Variants in NHSL1 observed in about 807,000 individuals in gnomAD.
NHSL1 encodes the protein NHS like 1.
In NHSL1, 48 loss-of-function variants were observed where a neutral mutation model predicts 95.0. That is an observed-to-expected ratio of 0.51 (90% CI 0.40 to 0.64). The LOEUF (loss-of-function observed/expected upper bound fraction) is 0.64. Among genes scored for constraint, NHSL1 ranks in the 30% least tolerant of loss-of-function variants. The pLI is 0.00. For synonymous variants in NHSL1, 783 were observed against 833.9 expected, an observed-to-expected ratio of 0.94 and a Z score of 1.05; for missense variants, 1,971 against 2,077.7, an observed-to-expected ratio of 0.95 and a Z score of 1.00.
rs375468270 is a variant in NHSL1 at position 138,643,892 on chromosome 6, G to C, written c.96+48584C>G. Among the ~76,000 whole-genome samples, 15 of 152,108 alleles carry C rather than the reference G, an allele frequency of 9.9e-5. No homozygotes were observed. The East Asian group carries it at 2.7e-3, about 28-fold the overall frequency. On this transcript the variant is annotated intron_variant, in intron 1 of 3. Coordinates refer to the NHSL1 transcript ENST00000491526. ...GGGTGCCTGTAATCCTAGCTACCCAGGAGGCTGAGGTAGGAGAATTGCTTG... is the reference window on the plus strand; with the variant it reads ...GGGTGCCTGTAATCCTAGCTACCCACGAGGCTGAGGTAGGAGAATTGCTTG...
intron 3 of NHSL1, among the ~76,000 whole-genome samples, chr6:138,471,507 C>T (rs1203270558): frequency 5.9e-5 from 9 of 151,950 alleles, no homozygotes; most frequent in African/African-American, 1.7e-4. Context: ...AGTAAGATAC[C>T]GTCTTTGTAT....
rs912103445 is a variant in NHSL1, at chr6:138,441,975, A to C, written c.664+8T>G. 9 of 1,547,402 alleles carry C rather than the reference A, an allele frequency of 5.8e-6. No individual in the cohort carries two copies. The Admixed American group carries it at 8.0e-5, about 14-fold the overall frequency. On this transcript the variant is annotated splice_region_variant and intron_variant, in intron 5 of 7. Coordinates refer to ENST00000343505, the MANE Select transcript of NHSL1 (RefSeq NM_001144060.2). ...AGGGCAACAGAATACAGTTCTGATGAGCCATACCTAGCTCCTTCTGTATGT... is the reference window on the plus strand; with the variant it reads ...AGGGCAACAGAATACAGTTCTGATGCGCCATACCTAGCTCCTTCTGTATGT...
intron 5 of NHSL1, among the ~76,000 whole-genome samples, chr6:138,440,816 C>T (rs1776480051): frequency 6.6e-6 from 1 of 152,208 alleles, no homozygotes; most frequent in African/African-American, 2.4e-5. Context: ...TTGCTGGTTA[C>T]ACTCATTTTG....
intron 1 of NHSL1, among the ~76,000 whole-genome samples, chr6:138,601,351 C>T (rs1784367306): frequency 6.6e-6 from 1 of 152,216 alleles, no homozygotes; most frequent in African/African-American, 2.4e-5. Context: ...ACACTGCTGG[C>T]AATCTGTTAG....
intron 3 of NHSL1, among the ~76,000 whole-genome samples, chr6:138,462,058 G>T (rs1247569719): frequency 6.6e-6 from 1 of 152,126 alleles, no homozygotes; most frequent in Non-Finnish European, 1.5e-5. Flanking sequence ...AAGTTTGATG[G>T]GTTTGGTGAT....
chr6:138,591,854 G>A (rs1784233983), intron 1 of NHSL1, among the ~76,000 whole-genome samples: 1 of 152,124 alleles, frequency 6.6e-6, no homozygotes, highest in African/African-American at 2.4e-5. Flanking sequence ...CCATGCTGTG[G>A]ACACACACTC....
intron 1 of NHSL1, among the ~76,000 whole-genome samples, chr6:138,559,028 G>A (rs187475517): frequency 2.5e-4 from 38 of 151,578 alleles, no homozygotes; most frequent in African/African-American, 8.7e-4. Flanking sequence ...CAGCCTGGAC[G>A]ACAGAGGGAG....
At chr6:138,651,440 T>C (rs1220729968) in intron 1 of NHSL1, among the ~76,000 whole-genome samples, 1 of 152,228 alleles carries the variant, frequency 6.6e-6, no homozygotes, top group Non-Finnish European at 1.5e-5. Context: ...ATTTACATCA[T>C]TTTAAGTTAT....
Position 138,424,294 on chromosome 6 carries a change from C to A in NHSL1, c.4608G>T (p.Val1536=). 3 of 1,511,848 alleles carry A rather than the reference C, an allele frequency of 2.0e-6. No homozygotes were observed. The highest frequency in any genetic ancestry group is 2.7e-6 in the Non-Finnish European group (3 of 1,126,556). The allele number at this position is 1,511,848 out of a possible 1,614,324, so 93.7% of individuals were successfully genotyped here. Residue 1536 remains valine, a synonymous_variant, in exon 8 of 8, where the codon GTG becomes GTT. Transcript: ENST00000343505. The surrounding 1 kb of genome is among the most constrained non-coding windows in gnomAD (Gnocchi z 5.9). ...SEGEGEAVEP[V]DSIARGALGA... ...CCAGAGCCCCGCGGGCTATGCTGTC[C>A]ACAGGCTCCACGGCTTCCCCTTCTC...
intron 1 of NHSL1, among the ~76,000 whole-genome samples, chr6:138,661,803 A>G (rs1397797078): frequency 6.6e-6 from 1 of 152,218 alleles, no homozygotes; most frequent in East Asian, 1.9e-4. Flanking sequence ...CAGGTGGCTC[A>G]TGCCTATTAT....
intron 2 of NHSL1, among the ~76,000 whole-genome samples, chr6:138,489,632 T>C (rs1191347205): frequency 6.6e-6 from 1 of 151,152 alleles, no homozygotes; most frequent in East Asian, 2.0e-4. Context: ...CACGGTGTTG[T>C]GTGCCTGTAG....
chr6:138,528,810 G>A (rs2128314122), intron 1 of NHSL1, among the ~76,000 whole-genome samples: 1 of 152,304 alleles, frequency 6.6e-6, no homozygotes, highest in African/African-American at 2.4e-5. Context: ...AGAGAATACA[G>A]TATTTCCGGA....
intron 1 of NHSL1, among the ~76,000 whole-genome samples, chr6:138,647,344 GTT>G (rs1785032839): frequency 6.6e-6 from 1 of 152,156 alleles, no homozygotes; most frequent in African/African-American, 2.4e-5. Flanking sequence ...TTATCTTGAT[GTT>G]TCTTGATGAA....
intron 3 of NHSL1, among the ~76,000 whole-genome samples, chr6:138,458,502 G>C (rs1256267644): frequency 1.3e-5 from 2 of 152,036 alleles, no homozygotes; most frequent in African/African-American, 4.8e-5. Context: ...AGACCAGCCT[G>C]GCCAAAATGG....
At chr6:138,473,843 TAAA>T (rs35022781) in intron 2 of NHSL1, among the ~76,000 whole-genome samples, 1 of 145,864 alleles carries the variant, frequency 6.9e-6, no homozygotes, top group Non-Finnish European at 1.5e-5. Context: ...TTATTCCACA[TAAA>T]AAAAAAAAGT....
At chr6:138,443,108 A>T (rs1776637245) in intron 4 of NHSL1, among the ~76,000 whole-genome samples, 1 of 152,122 alleles carries the variant, frequency 6.6e-6, no homozygotes. Context: ...CTATCATTTT[A>T]TGCATAAAAG....
At chr6:138,544,362 A>G (rs1444274232) in intron 1 of NHSL1, among the ~76,000 whole-genome samples, 1 of 151,980 alleles carries the variant, frequency 6.6e-6, no homozygotes, top group Non-Finnish European at 1.5e-5. Context: ...AATCCACTGC[A>G]ACTAGATACT....
exon 1 of NHSL1, chr6:138,572,061 T>C: frequency 1.6e-6 from 1 of 618,660 alleles, no homozygotes; most frequent in Non-Finnish European, 2.8e-6. Context: ...AAAGACGGCT[T>C]CTGTGTCACC....
At chr6:138,505,233 G>T (rs1382261792) in intron 1 of NHSL1, among the ~76,000 whole-genome samples, 1 of 152,054 alleles carries the variant, frequency 6.6e-6, no homozygotes, top group Admixed American at 6.5e-5. Flanking sequence ...CACAAATACT[G>T]TTAAACAATA....
Sources: allele counts gnomAD v4.1 joint callset (sites outside exome capture counted in the v4.1 genomes callset), GRCh38; gene constraint gnomAD v4.1.1; non-coding constraint Gnocchi (gnomAD v3.1); transcripts MANE v1.5; gene names NCBI Gene and HGNC (gene_info 2026-07-23, HGNC 2026-07-21).